The following KIF5C variants were observed in gnomAD, a reference collection of about 807,000 sequenced individuals.
The protein encoded by KIF5C is kinesin family member 5C, also known as kinesin heavy chain isoform 5C.
Under a neutral mutation model 125.2 loss-of-function variants are expected in KIF5C, and 18 were observed. That is an observed-to-expected ratio of 0.14 (90% CI 0.10 to 0.21). The LOEUF (loss-of-function observed/expected upper bound fraction) is 0.21. KIF5C is among the 10% of genes least tolerant of loss of function. KIF5C has a pLI of 1.00. For synonymous variants in KIF5C, 405 were observed against 434.0 expected, an observed-to-expected ratio of 0.93 and a Z score of 0.83; for missense variants, 780 against 1,183.8, an observed-to-expected ratio of 0.66 and a Z score of 5.01.
At chr2:148,889,424 G>A (rs1180703416) in intron 1 of KIF5C, among the ~76,000 whole-genome samples, 1 of 152,140 alleles carries the variant, frequency 6.6e-6, no homozygotes, top group African/African-American at 2.4e-5. Flanking sequence ...GGAGTCTCCT[G>A]GGCTATATAG....
rs368452563 is a variant in KIF5C, at chr2:148,990,392, G to A, written c.1717-618G>A. Among the ~76,000 whole-genome samples the A allele has an allele frequency of 2.8e-4, 43 of 152,348 alleles. No homozygotes were observed. In the East Asian group the frequency reaches 7.5e-3, roughly 27 times the overall value. On this transcript the variant is annotated intron_variant, in intron 15 of 25. Coordinates refer to ENST00000435030, the MANE Select transcript of KIF5C (RefSeq NM_004522.3). The stretch of plus-strand genomic sequence containing the variant: ...AAAGGCAAAGGAAAATAGACTGGTA[G>A]TAGTAATGAAAAGTTATGCTGAGAA...
At chr2:148,957,282 C>T (rs1023882380) in intron 10 of KIF5C, among the ~76,000 whole-genome samples, 9 of 152,154 alleles carry the variant, frequency 5.9e-5, no homozygotes, top group African/African-American at 2.2e-4. Context: ...ACTGTGTAAC[C>T]GCATTGATGG....
At chr2:148,922,346 A>G in intron 2 of KIF5C, 119 bp downstream of exon 2, 1 of 585,892 alleles carries the variant, frequency 1.7e-6, no homozygotes, top group Non-Finnish European at 3.0e-6. Context: ...CTAATTGGAA[A>G]CACTGAATTC....
At chr2:148,893,120 T>A (rs1271292999) in intron 1 of KIF5C, among the ~76,000 whole-genome samples, 1 of 152,238 alleles carries the variant, frequency 6.6e-6, no homozygotes, top group Admixed American at 6.5e-5. Context: ...GAAAGTACAG[T>A]CTATACCTGG....
intron 15 of KIF5C, among the ~76,000 whole-genome samples, chr2:148,989,500 C>A (rs576714400): frequency 6.6e-6 from 1 of 152,194 alleles, no homozygotes; most frequent in South Asian, 2.1e-4. Flanking sequence ...GGGTAGATAC[C>A]CAGTAGTGGG....
Position 148,929,349 on chromosome 2 carries a change from A to G in KIF5C, c.286A>G (p.Met96Val). Reference sequence around the variant, plus strand: ...GACTTCATCAGGAAAAACCCACACCATGGAGGTAAGATTACAATGTGCTCT... The same window carrying G: ...GACTTCATCAGGAAAAACCCACACCGTGGAGGTAAGATTACAATGTGCTCT... The part of the protein sequence containing the change: ...GQTSSGKTHT[M>V]EGKLHDPQLM... Residue 96 changes from methionine (M) to valine (V), a missense_variant, in exon 3 of 26, where the codon ATG becomes GTG. Physicochemically the swap from Met to Val is conservative, Grantham distance 21. This residue lies in a region of KIF5C where 207 missense variants were observed against 441.2 expected (regional missense o/e 0.47). Transcript: ENST00000435030. The G allele has an allele frequency of 6.5e-7, 1 of 1,531,338 alleles. No homozygotes were observed. Among genetic ancestry groups the G allele is most frequent in the Non-Finnish European group, 8.8e-7 (1 of 1,141,554 alleles). 94.9% of individuals were successfully genotyped at this position (1,531,338 alleles called of 1,614,324 possible). A position where few individuals can be genotyped will look rare whatever the true frequency, so the allele number is the denominator to read the frequency against.
At position 148,941,604 on chromosome 2, in the gene KIF5C, A is replaced by G; in HGVS notation, c.397-6A>G. ...TCTATTCCAAGCTCAATTTGTTTTTAACTAGGTTTCCTATTTTGAGATCTA... is the reference window on the plus strand; with the variant it reads ...TCTATTCCAAGCTCAATTTGTTTTTGACTAGGTTTCCTATTTTGAGATCTA... On this transcript the variant is annotated splice_region_variant and splice_polypyrimidine_tract_variant and intron_variant, in intron 4 of 25. Coordinates refer to ENST00000435030, the MANE Select transcript of KIF5C (RefSeq NM_004522.3). The G allele has an allele frequency of 6.4e-7, 1 of 1,556,996 alleles. No homozygotes were observed. Among genetic ancestry groups the G allele is most frequent in the Non-Finnish European group, 8.7e-7 (1 of 1,148,838 alleles).
At chr2:149,018,527 C>G (rs996232785) in intron 25 of KIF5C, among the ~76,000 whole-genome samples, 1 of 152,162 alleles carries the variant, frequency 6.6e-6, no homozygotes, top group African/African-American at 2.4e-5. Context: ...GACCTTTTCT[C>G]CTCTTAAAAA....
chr2:148,948,337 AC>A (rs747542118), intron 8 of KIF5C, among the ~76,000 whole-genome samples: 16 of 151,100 alleles, frequency 1.1e-4, no homozygotes, highest in Admixed American at 6.6e-4. Flanking sequence ...AGCCTGGGTG[AC>A]AGAGGGAGAC....
At chr2:148,967,987 A>C (rs1054631659) in intron 11 of KIF5C, among the ~76,000 whole-genome samples, 2 of 152,164 alleles carry the variant, frequency 1.3e-5, no homozygotes, top group Non-Finnish European at 2.9e-5. Context: ...GTCTGGATGC[A>C]TGGCTTCCTG....
At chr2:148,935,518 A>G (rs1348550517) in intron 3 of KIF5C, among the ~76,000 whole-genome samples, 3 of 152,242 alleles carry the variant, frequency 2.0e-5, no homozygotes, top group African/African-American at 7.2e-5. Context: ...TCCATGGTTC[A>G]GAGCATGTGG....
intron 1 of KIF5C, among the ~76,000 whole-genome samples, chr2:148,909,892 A>G (rs1199463576): frequency 1.3e-5 from 2 of 152,174 alleles, no homozygotes; most frequent in African/African-American, 4.8e-5. Flanking sequence ...CTGTGCGACT[A>G]TTATGTGTTG....
chr2:148,986,235 C>T (rs1681378748), intron 15 of KIF5C, among the ~76,000 whole-genome samples: 1 of 152,182 alleles, frequency 6.6e-6, no homozygotes, highest in African/African-American at 2.4e-5. Context: ...CTTTGGGAAT[C>T]TGAACTATGA....
intron 24 of KIF5C, among the ~76,000 whole-genome samples, chr2:149,011,289 G>A (rs925801031): frequency 9.2e-5 from 14 of 152,252 alleles, no homozygotes; most frequent in Admixed American, 7.9e-4. Context: ...ATCCATTTCA[G>A]ATGAAACTGA....
chr2:148,890,957 T>G (rs1440118264), intron 1 of KIF5C, among the ~76,000 whole-genome samples: 3 of 152,218 alleles, frequency 2.0e-5, no homozygotes, highest in African/African-American at 7.2e-5. Context: ...ATTATATATA[T>G]AGATCACCAG....
intron 23 of KIF5C, among the ~76,000 whole-genome samples, chr2:149,009,054 A>G (rs1682102376): frequency 7.0e-6 from 1 of 142,248 alleles, no homozygotes; most frequent in Admixed American, 7.3e-5. Flanking sequence ...CAGTGGTGCG[A>G]TCTCTGCTCA....
intron 16 of KIF5C, 66 bp downstream of exon 16, chr2:148,991,264 G>C (rs1277317837): frequency 1.9e-6 from 3 of 1,541,660 alleles, no homozygotes; most frequent in Non-Finnish European, 2.6e-6. Context: ...CCATGCCCTT[G>C]CTGGTGCTGA....
chr2:148,907,042 AGAG>A (rs1681137733), intron 1 of KIF5C, among the ~76,000 whole-genome samples: 1 of 152,220 alleles, frequency 6.6e-6, no homozygotes, highest in Admixed American at 6.5e-5. Context: ...CCTGGGCAAC[AGAG>A]CAAGAATCCT....
chr2:148,922,220 T>C lies in KIF5C; in HGVS notation c.210T>C (p.Ile70=), dbSNP rs763045257. ...EQVYNACAKQ[I]VKDVLEGYNG... is the part of the protein sequence containing the mutation. ...TTTACAATGCATGTGCGAAGCAAAT[T>C]GTCAAAGGTAAGTGCTATTTCTTTA... The change falls in exon 2 of 26, where the codon ATT becomes ATC. Residue 70 remains isoleucine, a synonymous_variant. Transcript: ENST00000435030. 3 of 1,608,932 alleles carry C rather than the reference T, an allele frequency of 1.9e-6. No homozygotes were observed. The South Asian group carries it at 3.3e-5, about 18-fold the overall frequency.
Sources: gnomAD v4.1 joint callset for allele counts (sites outside exome capture counted in the v4.1 genomes callset) on GRCh38, gnomAD v4.1.1 for gene constraint, gnomAD v4.1.1 regional missense constraint, MANE v1.5 for transcripts, NCBI Gene and HGNC (gene_info 2026-07-23, HGNC 2026-07-21) for gene names.